The following GJC1 variants were observed in gnomAD, a reference collection of about 807,000 sequenced individuals.
The protein encoded by GJC1 is gap junction gamma-1 protein.
GJC1 carries 5 observed loss-of-function variants against 29.3 expected under a neutral mutation model. The ratio of observed to expected loss-of-function variants is 0.17; its 90% CI spans 0.09 to 0.36. GJC1 has a LOEUF of 0.36. Among genes scored for constraint, GJC1 ranks in the 10% least tolerant of loss-of-function variants. The probability of loss-of-function intolerance (pLI) is 1.00; values close to 1 mark genes in which losing one functional copy is unlikely to be tolerated. For missense variants in GJC1, 310 were observed against 496.2 expected (o/e 0.62, Z 3.56); for synonymous variants, 177 against 183.3 (o/e 0.97, Z 0.28).
chr17:44,816,571 A>G (rs1443332151), intron 1 of GJC1, among the ~76,000 whole-genome samples: 1 of 152,110 alleles, frequency 6.6e-6, no homozygotes, highest in African/African-American at 2.4e-5. Context: ...GCGAAGTCTC[A>G]GCTCACTGCA....
At chr17:44,827,300 C>T (rs2050186570) in intron 1 of GJC1, among the ~76,000 whole-genome samples, 1 of 151,956 alleles carries the variant, frequency 6.6e-6, no homozygotes, top group Non-Finnish European at 1.5e-5. Context: ...CACCATTGCA[C>T]TCCAGCCTGG....
downstream of GJC1, among the ~76,000 whole-genome samples, chr17:44,797,086 C>G (rs1010824350): frequency 6.6e-5 from 10 of 151,868 alleles, no homozygotes; most frequent in African/African-American, 2.4e-4. Context: ...ATCGCTATCT[C>G]TCTCTGTTAT....
At chr17:44,830,499 G>C (rs2050222192), upstream of GJC1, 1 of 395,468 alleles carries the variant, frequency 2.5e-6, no homozygotes, top group Non-Finnish European at 4.5e-6. The surrounding 1 kb of genome is among the most constrained non-coding windows in gnomAD (Gnocchi z 4.3). Flanking sequence ...AGTCACCCGC[G>C]TGGAGTCTGG....
intron 1 of GJC1, among the ~76,000 whole-genome samples, chr17:44,828,484 C>A (rs941233804): frequency 6.6e-6 from 1 of 152,188 alleles, no homozygotes; most frequent in Non-Finnish European, 1.5e-5. Context: ...CAAATCAGGA[C>A]AAATATTAAC....
Position 44,805,260 on chromosome 17 carries a change from C to T in GJC1, c.558G>A (p.Val186=). 1 of 1,614,192 alleles carries T rather than the reference C, an allele frequency of 6.2e-7. No homozygotes were observed. Among genetic ancestry groups the T allele is most frequent in the Non-Finnish European group, 8.5e-7 (1 of 1,180,036 alleles). The part of the protein sequence containing the change: ...IYVLQLLART[V]FEVGFLIGQY... Reference sequence around the variant, plus strand: ...GCCCTATCAGAAAACCCACCTCAAACACGGTCCTTGCCAGCAACTGCAGCA... The same window carrying T: ...GCCCTATCAGAAAACCCACCTCAAATACGGTCCTTGCCAGCAACTGCAGCA... Residue 186 remains valine, a synonymous_variant, in exon 3 of 3, where the codon GTG becomes GTA. Transcript: ENST00000592524. This position sits in a 1 kb window ranked among gnomAD's most constrained non-coding sequence, Gnocchi z 5.1.
intron 1 of GJC1, among the ~76,000 whole-genome samples, chr17:44,814,552 A>T (rs936230597): frequency 6.6e-5 from 10 of 151,974 alleles, no homozygotes; most frequent in African/African-American, 2.4e-4. Flanking sequence ...CACACAAAAA[A>T]CCCTGGAGAT....
chr17:44,825,188 CAAAAAAAAAAAAAAA>C (rs1162077867), intron 1 of GJC1, among the ~76,000 whole-genome samples: 8 of 45,978 alleles, frequency 1.7e-4, no homozygotes, highest in Admixed American at 3.2e-4. Context: ...GTCTCAATTA[CAAAAAAAAAAAAAAA>C]AAAAAAAAAA....
intron 1 of GJC1, among the ~76,000 whole-genome samples, chr17:44,822,146 A>G (rs1385272002): frequency 6.9e-6 from 1 of 145,962 alleles, no homozygotes; most frequent in Admixed American, 7.0e-5. Context: ...GCAGTGAGCC[A>G]AGATCGTGCC....
intron 1 of GJC1, among the ~76,000 whole-genome samples, chr17:44,812,856 C>A (rs945046607): frequency 2.0e-5 from 3 of 151,764 alleles, no homozygotes; most frequent in African/African-American, 4.8e-5. Flanking sequence ...ACCACATTAA[C>A]CGGGATGGTC....
intron 1 of GJC1, among the ~76,000 whole-genome samples, chr17:44,816,514 T>A (rs1238184313): frequency 6.6e-6 from 1 of 152,114 alleles, no homozygotes; most frequent in African/African-American, 2.4e-5. Context: ...TTGTTTTTGG[T>A]TTTCTGAGAC....
chr17:44,819,384 C>T (rs562678715), intron 1 of GJC1, among the ~76,000 whole-genome samples: 1 of 152,050 alleles, frequency 6.6e-6, no homozygotes, highest in East Asian at 1.9e-4. Flanking sequence ...TTTGGCCAGG[C>T]GCGGTGGCTC....
chr17:44,828,838 C>T (rs2050201491), intron 1 of GJC1, among the ~76,000 whole-genome samples: 1 of 151,832 alleles, frequency 6.6e-6, no homozygotes, highest in Non-Finnish European at 1.5e-5. Context: ...ATACCTAAAC[C>T]CTCTCTAGGG....
downstream of GJC1, among the ~76,000 whole-genome samples, chr17:44,796,091 T>C (rs570285238): frequency 2.0e-5 from 3 of 152,310 alleles, no homozygotes; most frequent in African/African-American, 7.2e-5. Context: ...CCTGTCAGTG[T>C]TCCTCCGGAC....
downstream of GJC1, among the ~76,000 whole-genome samples, chr17:44,795,673 G>A (rs1474764530): frequency 2.0e-5 from 3 of 152,252 alleles, no homozygotes; most frequent in African/African-American, 7.2e-5. Context: ...TGGGCAGGCT[G>A]TGGGGCTCTG....
intron 1 of GJC1, among the ~76,000 whole-genome samples, chr17:44,828,981 C>A (rs936259483): frequency 3.3e-5 from 5 of 151,156 alleles, no homozygotes; most frequent in Non-Finnish European, 7.4e-5. Context: ...TTTTTTATAG[C>A]GCTTTCACAT....
chr17:44,830,512 C>T, upstream of GJC1: 1 of 396,536 alleles, frequency 2.5e-6, no homozygotes, highest in Non-Finnish European at 4.4e-6. This position sits in a 1 kb window ranked among gnomAD's most constrained non-coding sequence, Gnocchi z 4.3. Context: ...GAGTCTGGAC[C>T]CCGGGTGGGC....
chr17:44,812,459 G>A (rs1255457129), intron 1 of GJC1, among the ~76,000 whole-genome samples: 1 of 152,162 alleles, frequency 6.6e-6, no homozygotes, highest in Non-Finnish European at 1.5e-5. Context: ...GCCAAGGTCT[G>A]ATTTTTTCAA....
In GJC1 at chr17:44,805,761, A is replaced by C. The variant is rs1251230342; in HGVS notation, c.57T>G (p.Phe19Leu). The change falls in exon 3 of 3, where the codon TTT becomes TTG. Residue 19 changes from phenylalanine (F) to leucine (L), a missense_variant. Phe to Leu is a conservative substitution (Grantham distance 22). Around this residue, in one of 4 missense-constraint regions of GJC1, gnomAD observed 37 missense variants for 104.2 expected, o/e 0.35. Coordinates refer to ENST00000592524, the MANE Select transcript of GJC1 (RefSeq NM_005497.4). This position sits in a 1 kb window ranked among gnomAD's most constrained non-coding sequence, Gnocchi z 5.1. The part of the protein sequence containing the change: ...LLEEIHNHST[F>L]VGKIWLTVLI... ...GAACAGTGAGCCAGATCTTCCCCAC[A>C]AATGTGGAATGGTTGTGAATCTCCT... 1 of 1,614,114 alleles carries C rather than the reference A, an allele frequency of 6.2e-7. No homozygotes were observed. The highest frequency in any genetic ancestry group is 1.7e-5 in the Admixed American group (1 of 60,016).
rs770332807 is a variant in GJC1, at chr17:44,805,953, G to A, written c.-20-116C>T. On this transcript the variant is annotated intron_variant, in intron 2 of 2. Transcript: ENST00000592524. This position sits in a 1 kb window ranked among gnomAD's most constrained non-coding sequence, Gnocchi z 5.1. ...TTGAATACTTGAAATCTAACCTCAA[G>A]GTTCACAGTGGAACAAATGTTAGAA... The A allele has an allele frequency of 2.1e-5, 13 of 604,658 alleles. No homozygotes were observed. The highest frequency in any genetic ancestry group is 1.7e-4 in the East Asian group (6 of 35,276). 37.5% of individuals were successfully genotyped at this position (604,658 alleles called of 1,614,324 possible).
Sources: allele counts gnomAD v4.1 joint callset (sites outside exome capture counted in the v4.1 genomes callset), GRCh38; gene constraint gnomAD v4.1.1; regional missense constraint gnomAD v4.1.1; non-coding constraint Gnocchi (gnomAD v3.1); transcripts MANE v1.5; gene names NCBI Gene and HGNC (gene_info 2026-07-23, HGNC 2026-07-21).